PRKAR1A: variants seen among roughly 807,000 people sequenced by gnomAD.
PRKAR1A encodes the protein protein kinase cAMP-dependent type I regulatory subunit alpha.
PRKAR1A carries 3 observed loss-of-function variants against 52.0 expected under a neutral mutation model. That is an observed-to-expected ratio of 0.06 (90% CI 0.03 to 0.15). PRKAR1A has a LOEUF of 0.15. Among genes scored for constraint, PRKAR1A ranks in the 10% least tolerant of loss-of-function variants. The pLI, the probability that PRKAR1A is intolerant of heterozygous loss-of-function variation, is 1.00. For synonymous variants in PRKAR1A, 188 were observed against 168.4 expected, an observed-to-expected ratio of 1.12 and a Z score of -0.90; for missense variants, 240 against 477.4, an observed-to-expected ratio of 0.50 and a Z score of 4.63.
intron 8 of PRKAR1A, among the ~76,000 whole-genome samples, chr17:68,528,225 T>G (rs2085851482): frequency 6.6e-6 from 1 of 152,236 alleles, no homozygotes; most frequent in Non-Finnish European, 1.5e-5. Context: ...TAAAGCAGAT[T>G]AATTGAAGAT....
chr17:68,444,606 T>C, the PRKAR1A span: 1 of 1,603,264 alleles, frequency 6.2e-7, no homozygotes, highest in Non-Finnish European at 8.5e-7. Context: ...TCACACAGAC[T>C]TATCAGTCTA....
chr17:68,449,750 C>G, the PRKAR1A span, among the ~76,000 whole-genome samples: 3 of 152,200 alleles, frequency 2.0e-5, no homozygotes, highest in Non-Finnish European at 4.4e-5. Flanking sequence ...CCTGCAGAAC[C>G]TTGACCCAGT....
chr17:68,489,442 A>ATATATATATGGAAAG, the PRKAR1A span, among the ~76,000 whole-genome samples: 25 of 28,364 alleles, frequency 8.8e-4, 4 homozygotes, highest in African/African-American at 1.3e-3. Flanking sequence ...TATGGAAAGT[A>ATATATATATGGAAAG]TATATATATA....
chr17:68,426,134 G>T, the PRKAR1A span: 2 of 1,611,540 alleles, frequency 1.2e-6, no homozygotes, highest in Non-Finnish European at 1.7e-6. Context: ...TCATGTTCAG[G>T]AATAACTTCT....
intron 8 of PRKAR1A, 104 bp downstream of exon 8, chr17:68,528,004 C>T: frequency 9.9e-7 from 1 of 1,013,810 alleles, no homozygotes; most frequent in Non-Finnish European, 1.6e-6. Flanking sequence ...GCTACTCATT[C>T]CCCCTGAAAA....
the PRKAR1A span, among the ~76,000 whole-genome samples, chr17:68,467,735 C>T: frequency 6.6e-6 from 1 of 152,206 alleles, no homozygotes; most frequent in Non-Finnish European, 1.5e-5. Context: ...CTGGCCTGTT[C>T]TTTCCAATCT....
chr17:68,534,560 C>CTTTT, downstream of PRKAR1A, among the ~76,000 whole-genome samples: 1 of 111,048 alleles, frequency 9.0e-6, no homozygotes. Context: ...TTTTTAGTGC[C>CTTTT]TTTTTTTTTT....
intron 7 of PRKAR1A, among the ~76,000 whole-genome samples, chr17:68,527,326 T>C (rs2085823904): frequency 6.6e-6 from 1 of 152,156 alleles, no homozygotes; most frequent in South Asian, 2.1e-4. Flanking sequence ...CCAGAACTAA[T>C]GGAGGAATCT....
chr17:68,438,593 A>G, the PRKAR1A span, among the ~76,000 whole-genome samples: 1 of 152,214 alleles, frequency 6.6e-6, no homozygotes, highest in Non-Finnish European at 1.5e-5. Context: ...AAGGTTTCTC[A>G]GCACATATGT....
the PRKAR1A span, among the ~76,000 whole-genome samples, chr17:68,464,931 T>G: frequency 9.0e-5 from 1 of 11,158 alleles, no homozygotes; most frequent in East Asian, 9.2e-4. Context: ...GAAGTGTGGG[T>G]TTTTTTTTTT....
chr17:68,550,457 C>T (rs1005086161), intron 11 of PRKAR1A, among the ~76,000 whole-genome samples: 3 of 148,206 alleles, frequency 2.0e-5, no homozygotes, highest in African/African-American at 5.0e-5. Context: ...CTCAGCTCAC[C>T]GCAACCTCCT....
intron 11 of PRKAR1A, chr17:68,540,403 C>G: frequency 4.4e-6 from 2 of 452,066 alleles, no homozygotes; most frequent in South Asian, 3.2e-5. Flanking sequence ...GACCTAAGCT[C>G]CTGTATGACG....
At chr17:68,436,214 C>G in the PRKAR1A span, among the ~76,000 whole-genome samples, 42,572 of 152,130 alleles carry the variant, frequency 0.28, 6,310 homozygotes, top group Admixed American at 0.41. Flanking sequence ...GAGGTTGACT[C>G]ACAGCAAGCC....
At chr17:68,437,947 T>TAAAAACAAAAAAAAAAAAA in the PRKAR1A span, among the ~76,000 whole-genome samples, 1 of 58,786 alleles carries the variant, frequency 1.7e-5, no homozygotes, top group Non-Finnish European at 3.1e-5. Context: ...GACATCTCTC[T>TAAAAACAAAAAAAAAAAAA]TAAAAAAAAA....
At chr17:68,500,887 A>G in the PRKAR1A span, among the ~76,000 whole-genome samples, 43 of 152,174 alleles carry the variant, frequency 2.8e-4, no homozygotes, top group Non-Finnish European at 5.7e-4. Context: ...AGGTAAGGAC[A>G]CTATTGAGGA....
the PRKAR1A span, among the ~76,000 whole-genome samples, chr17:68,459,777 C>A: frequency 8.2e-4 from 125 of 151,840 alleles, 4 homozygotes; most frequent in East Asian, 3.9e-4. Context: ...TTATTTAATC[C>A]AATGTGTCAA....
chr17:68,467,414 C>T, the PRKAR1A span, among the ~76,000 whole-genome samples: 2 of 152,186 alleles, frequency 1.3e-5, no homozygotes, highest in Non-Finnish European at 2.9e-5. Flanking sequence ...CATATCCTTG[C>T]CAACACTTGT....
At chr17:68,450,309 G>T in the PRKAR1A span, among the ~76,000 whole-genome samples, 899 of 152,320 alleles carry the variant, frequency 5.9e-3, 15 homozygotes, top group African/African-American at 0.02. Flanking sequence ...TCACTCTCAG[G>T]CATCTCCTGC....
the PRKAR1A span, among the ~76,000 whole-genome samples, chr17:68,432,504 T>C: frequency 6.6e-6 from 1 of 152,190 alleles, no homozygotes; most frequent in African/African-American, 2.4e-5. Context: ...GTCCCAGCAC[T>C]TTGGGAGGTT....
Sources: allele counts gnomAD v4.1 joint callset (sites outside exome capture counted in the v4.1 genomes callset), GRCh38; gene constraint gnomAD v4.1.1; transcripts MANE v1.5; gene names NCBI Gene and HGNC (gene_info 2026-07-23, HGNC 2026-07-21).